The following TEX9 variants were observed in gnomAD, a reference collection of about 807,000 sequenced individuals.
TEX9 encodes the protein testis-expressed protein 9.
A neutral mutation model predicts 59.6 loss-of-function variants in TEX9; 74 were observed. The ratio of observed to expected loss-of-function variants is 1.24; its 90% CI spans 1.03 to 1.51. The LOEUF is 1.51. Among genes scored for constraint, TEX9 ranks in the 40% most tolerant of loss-of-function variants. The probability of loss-of-function intolerance (pLI) is 0.00; values close to 1 mark genes in which losing one functional copy is unlikely to be tolerated. For synonymous variants in TEX9, 186 were observed against 152.2 expected, an observed-to-expected ratio of 1.22 and a Z score of -1.64; for missense variants, 522 against 447.8, an observed-to-expected ratio of 1.17 and a Z score of -1.49.
At chr15:56,282,390 G>A (rs2044839318) in intron 1 of TEX9, among the ~76,000 whole-genome samples, 1 of 152,072 alleles carries the variant, frequency 6.6e-6, no homozygotes, top group Non-Finnish European at 1.5e-5. Context: ...CCAGTAGATA[G>A]CATATTTTAA....
intron 1 of TEX9, among the ~76,000 whole-genome samples, chr15:56,302,402 T>G (rs1309792406): frequency 6.6e-6 from 1 of 150,496 alleles, no homozygotes; most frequent in East Asian, 2.0e-4. Context: ...GCACCTGAGA[T>G]CCCAGCTACT....
At chr15:56,270,284 T>A (rs1315862002) in intron 1 of TEX9, among the ~76,000 whole-genome samples, 1 of 152,158 alleles carries the variant, frequency 6.6e-6, no homozygotes, top group Non-Finnish European at 1.5e-5. Flanking sequence ...GGAGTCTAAG[T>A]CTTTTTATAG....
chr15:56,418,773 T>C (rs771367791), intron 10 of TEX9, among the ~76,000 whole-genome samples: 1 of 152,000 alleles, frequency 6.6e-6, no homozygotes, highest in Non-Finnish European at 1.5e-5. Context: ...ATTTAGATAA[T>C]CTATCAAAGC....
intron 1 of TEX9, among the ~76,000 whole-genome samples, chr15:56,251,616 A>G (rs2044019840): frequency 6.6e-6 from 1 of 152,146 alleles, no homozygotes; most frequent in African/African-American, 2.4e-5. Flanking sequence ...TAACCTCAGA[A>G]ACCATTAGAC....
At chr15:56,379,678 C>G (rs2047634079) in intron 3 of TEX9, among the ~76,000 whole-genome samples, 1 of 152,174 alleles carries the variant, frequency 6.6e-6, no homozygotes, top group South Asian at 2.1e-4. Context: ...GTCTAGCTCT[C>G]TCTTTAGCTC....
the TEX9 span, among the ~76,000 whole-genome samples, chr15:56,454,555 C>G: frequency 6.6e-6 from 1 of 152,002 alleles, no homozygotes; most frequent in Admixed American, 6.6e-5. Context: ...TGGAGATAAT[C>G]ATCTTTTTTG....
chr15:56,318,117 C>G (rs1445783398), intron 1 of TEX9, among the ~76,000 whole-genome samples: 1 of 152,042 alleles, frequency 6.6e-6, no homozygotes, highest in African/African-American at 2.4e-5. Flanking sequence ...ATTTCTCCTT[C>G]AATTCTCTCA....
At chr15:56,343,651 GA>G (rs1328403600) in intron 1 of TEX9, among the ~76,000 whole-genome samples, 1 of 151,992 alleles carries the variant, frequency 6.6e-6, no homozygotes, top group African/African-American at 2.4e-5. Context: ...GAAATGAACT[GA>G]CACCTTAGAA....
At chr15:56,263,079 A>C (rs2044303664) in intron 1 of TEX9, among the ~76,000 whole-genome samples, 1 of 152,074 alleles carries the variant, frequency 6.6e-6, no homozygotes, top group Non-Finnish European at 1.5e-5. Flanking sequence ...GCTGGAGTGC[A>C]GTGGTACGAT....
chr15:56,409,858 TATTTTA>T (rs1190015074), intron 9 of TEX9: 2 of 152,292 alleles, frequency 1.3e-5, no homozygotes, highest in African/African-American at 4.8e-5. Context: ...CTGACCACTT[TATTTTA>T]AATAGTTTTA....
At chr15:56,265,767 A>C (rs1596052026) in intron 1 of TEX9, among the ~76,000 whole-genome samples, 1 of 152,052 alleles carries the variant, frequency 6.6e-6, no homozygotes, top group Non-Finnish European at 1.5e-5. Flanking sequence ...AATATCGTCT[A>C]TCTTGGTGAA....
intron 10 of TEX9, among the ~76,000 whole-genome samples, chr15:56,417,636 A>G (rs1293423890): frequency 3.3e-5 from 5 of 151,858 alleles, no homozygotes; most frequent in African/African-American, 1.2e-4. Flanking sequence ...AGTATGTGCC[A>G]TATGGCACTA....
chr15:56,436,322 A>G (rs1260342195), intron 12 of TEX9, among the ~76,000 whole-genome samples: 6 of 152,236 alleles, frequency 3.9e-5, no homozygotes, highest in Non-Finnish European at 5.9e-5. Context: ...CCGCTCAGCT[A>G]CATGGAAAGT....
chr15:56,333,475 G>GTT (rs1555434031), intron 1 of TEX9, among the ~76,000 whole-genome samples: 659 of 15,944 alleles, frequency 0.041, 6 homozygotes, highest in African/African-American at 0.073. Flanking sequence ...ACTCCTTCAT[G>GTT]ATAAAAAAAA....
At chr15:56,432,312 AT>A (rs1452622623) in intron 12 of TEX9, among the ~76,000 whole-genome samples, 3 of 152,208 alleles carry the variant, frequency 2.0e-5, no homozygotes, top group Non-Finnish European at 4.4e-5. Flanking sequence ...CAACTTATCC[AT>A]TTAGGACAAA....
intron 1 of TEX9, among the ~76,000 whole-genome samples, chr15:56,326,828 A>C (rs1182986468): frequency 6.6e-6 from 1 of 152,208 alleles, no homozygotes; most frequent in Non-Finnish European, 1.5e-5. Flanking sequence ...CTGGAATAAA[A>C]AGCCCTCAGG....
chr15:56,424,389 G>C (rs1469770512), intron 10 of TEX9, among the ~76,000 whole-genome samples: 3 of 152,094 alleles, frequency 2.0e-5, no homozygotes, highest in Non-Finnish European at 4.4e-5. Flanking sequence ...TGGATCTAAA[G>C]TTAGTTGCAT....
chr15:56,271,491 G>GTT (rs1190449945), intron 1 of TEX9, among the ~76,000 whole-genome samples: 1 of 152,014 alleles, frequency 6.6e-6, no homozygotes, highest in Non-Finnish European at 1.5e-5. Flanking sequence ...TCAAGATGGG[G>GTT]TTTCATCATG....
At chr15:56,334,943 A>G (rs534466249) in intron 1 of TEX9, among the ~76,000 whole-genome samples, 1 of 152,236 alleles carries the variant, frequency 6.6e-6, no homozygotes, top group Non-Finnish European at 1.5e-5. Context: ...AATCAAAACT[A>G]TAATGAGATA....
Sources: gnomAD v4.1 joint callset for allele counts (sites outside exome capture counted in the v4.1 genomes callset) on GRCh38, gnomAD v4.1.1 for gene constraint, MANE v1.5 for transcripts, NCBI Gene and HGNC (gene_info 2026-07-23, HGNC 2026-07-21) for gene names.